CFAP299: variants seen among roughly 807,000 people sequenced by gnomAD.
CFAP299 encodes the protein cilia- and flagella-associated protein 299.
CFAP299 carries 21 observed loss-of-function variants against 27.0 expected under a neutral mutation model. The observed-to-expected ratio is 0.78, with a 90% CI of 0.55 to 1.12. The LOEUF is 1.12. Ranked by LOEUF, CFAP299 falls within the 50% of genes most tolerant of loss-of-function variation. The pLI, the probability that CFAP299 is intolerant of heterozygous loss-of-function variation, is 0.00. For synonymous variants in CFAP299, 104 were observed against 98.1 expected (o/e 1.06, Z -0.36); for missense variants, 310 against 276.6 (o/e 1.12, Z -0.86).
At position 80,832,734 on chromosome 4, in the gene CFAP299, G is replaced by T. The variant is rs145657240; in HGVS notation, c.334-37259G>T. Reference sequence around the variant, plus strand: ...AGCTGAGGTCTCACTTAGGAAATGGGTTTTCTATTACATACATATAAGTTG... The same window carrying T: ...AGCTGAGGTCTCACTTAGGAAATGGTTTTTCTATTACATACATATAAGTTG... On this transcript the variant is annotated intron_variant, in intron 3 of 5. Transcript: ENST00000358105. 2.5e-3 allele frequency among the ~76,000 whole-genome samples: 379 copies of T among 152,118 alleles called. 5 individuals carry two copies. The highest frequency in any genetic ancestry group is 8.4e-3 in the African/African-American group (350 of 41,502).
At position 80,350,254 on chromosome 4, in the gene CFAP299, AG is replaced by A. The variant is rs1218256533; in HGVS notation, c.112-12499del. Among the ~76,000 whole-genome samples, 8 of 152,318 alleles carry A rather than the reference AG, an allele frequency of 5.3e-5. No homozygotes were observed. The East Asian group carries it at 1.3e-3, about 26-fold the overall frequency. The stretch of plus-strand genomic sequence containing the variant: ...TGAAAAGTACAAACCCACAGAGCCA[AG>A]AAGTTCAATGAATTCCAAGCAGAAT... On this transcript the variant is annotated intron_variant, in intron 1 of 5. Transcript: ENST00000358105.
At chr4:80,661,224 GC>G (rs1358640857) in intron 3 of CFAP299, among the ~76,000 whole-genome samples, 4 of 151,604 alleles carry the variant, frequency 2.6e-5, no homozygotes, top group Non-Finnish European at 4.4e-5. Flanking sequence ...TACTCAGGAG[GC>G]TGCAACAAGA....
rs574806294 is a variant in CFAP299 at position 80,749,763 on chromosome 4, G to A, written c.334-120230G>A. Among the ~76,000 whole-genome samples the A allele has an allele frequency of 3.9e-4, 60 of 152,340 alleles. No homozygotes were observed. The East Asian group carries it at 0.011, about 28-fold the overall frequency. On this transcript the variant is annotated intron_variant, in intron 3 of 5. Coordinates refer to ENST00000358105, the MANE Select transcript of CFAP299 (RefSeq NM_152770.3). ...CTACTCTCTCCATCTTCTTCTGCCTGCTTTATTCTAGCGACACTGGCAGCT... is the reference window on the plus strand; with the variant it reads ...CTACTCTCTCCATCTTCTTCTGCCTACTTTATTCTAGCGACACTGGCAGCT...
At chr4:80,769,039 A>G (rs930472207) in intron 3 of CFAP299, among the ~76,000 whole-genome samples, 29 of 152,222 alleles carry the variant, frequency 1.9e-4, no homozygotes, top group Admixed American at 2.6e-4. Flanking sequence ...AAGGGAGGGG[A>G]GCAGAGCAGA....
At chr4:80,355,388 C>G (rs563980688) in intron 1 of CFAP299, among the ~76,000 whole-genome samples, 2 of 117,576 alleles carry the variant, frequency 1.7e-5, no homozygotes, top group Non-Finnish European at 3.3e-5. Context: ...GACAGAGTCT[C>G]GCTCTGTCAC....
At chr4:80,761,459 G>A (rs1160231348) in intron 3 of CFAP299, among the ~76,000 whole-genome samples, 1 of 151,864 alleles carries the variant, frequency 6.6e-6, no homozygotes, top group Non-Finnish European at 1.5e-5. Flanking sequence ...GTTATTAATA[G>A]CATGGTTGAT....
chr4:80,465,653 C>T (rs1729664562), intron 2 of CFAP299, among the ~76,000 whole-genome samples: 1 of 152,146 alleles, frequency 6.6e-6, no homozygotes, highest in African/African-American at 2.4e-5. Context: ...CTATGTACCC[C>T]ATGCCCTGGA....
Position 80,509,119 on chromosome 4 carries a change from G to A in CFAP299, c.243-73974G>A, listed in dbSNP as rs79855775. 2.4e-3 allele frequency among the ~76,000 whole-genome samples: 371 copies of A among 152,210 alleles called. 1 individual carries two copies. Among genetic ancestry groups the A allele is most frequent in the African/African-American group, 8.5e-3 (352 of 41,538 alleles). ...GGGCAGAGAGAAGTTTAAACCACAG[G>A]ATATAGTGTGGTTGAACACAGATGC... On this transcript the variant is annotated intron_variant, in intron 2 of 5. Transcript: ENST00000358105.
At chr4:80,891,757 G>A in intron 4 of CFAP299, among the ~76,000 whole-genome samples, 1 of 37,102 alleles carries the variant, frequency 2.7e-5, no homozygotes, top group Non-Finnish European at 4.4e-5. Context: ...CTAAAACTTA[G>A]AGTATAATAA....
intron 5 of CFAP299, among the ~76,000 whole-genome samples, chr4:80,954,997 CAAAAAAAAAAAAAAAAAAA>C (rs758937079): frequency 7.9e-5 from 4 of 50,316 alleles, no homozygotes; most frequent in African/African-American, 5.3e-4. Flanking sequence ...AAGACTCCAT[CAAAAAAAAAAAAAAAAAAA>C]AAAAAAAAAA....
At chr4:80,934,411 A>C (rs1218993812) in intron 4 of CFAP299, among the ~76,000 whole-genome samples, 1 of 152,032 alleles carries the variant, frequency 6.6e-6, no homozygotes, top group Non-Finnish European at 1.5e-5. Flanking sequence ...TATCAGGATA[A>C]AGTAGGCCCC....
At chr4:80,681,638 A>T (rs1215013204) in intron 3 of CFAP299, among the ~76,000 whole-genome samples, 1 of 152,210 alleles carries the variant, frequency 6.6e-6, no homozygotes, top group Non-Finnish European at 1.5e-5. Flanking sequence ...GTTAAAAGAA[A>T]AAAAGGAGAA....
intron 1 of CFAP299, among the ~76,000 whole-genome samples, chr4:80,338,740 C>T (rs1419812940): frequency 1.3e-5 from 2 of 152,188 alleles, no homozygotes; most frequent in Non-Finnish European, 2.9e-5. Context: ...GACTTGACCT[C>T]AGAAACCTAA....
intron 2 of CFAP299, among the ~76,000 whole-genome samples, chr4:80,380,264 A>T (rs1434806122): frequency 6.6e-6 from 1 of 152,112 alleles, no homozygotes; most frequent in East Asian, 1.9e-4. Context: ...TGAGCCTAAA[A>T]TACATTTACA....
At chr4:80,650,216 A>G (rs1376579240) in intron 3 of CFAP299, among the ~76,000 whole-genome samples, 1 of 152,092 alleles carries the variant, frequency 6.6e-6, no homozygotes, top group Non-Finnish European at 1.5e-5. Flanking sequence ...GTGCATTGAG[A>G]AACACAATTT....
intron 3 of CFAP299, among the ~76,000 whole-genome samples, chr4:80,835,887 G>A (rs961548982): frequency 1.3e-5 from 2 of 152,174 alleles, no homozygotes; most frequent in Admixed American, 6.5e-5. Context: ...ATCCTTTCAT[G>A]TGATTAAGAC....
chr4:80,844,536 G>C (rs562294099), intron 3 of CFAP299, among the ~76,000 whole-genome samples: 1 of 152,240 alleles, frequency 6.6e-6, no homozygotes, highest in South Asian at 2.1e-4. Flanking sequence ...GTGCCTTTTG[G>C]CTGCATAAAT....
intron 3 of CFAP299, among the ~76,000 whole-genome samples, chr4:80,589,399 ATATCTT>A (rs561330783): frequency 4.6e-5 from 7 of 152,194 alleles, no homozygotes; most frequent in East Asian, 1.9e-4. Context: ...ATATGGGAAA[ATATCTT>A]TATACCTTCT....
At chr4:80,757,192 T>C (rs1048657935) in intron 3 of CFAP299, among the ~76,000 whole-genome samples, 3 of 152,108 alleles carry the variant, frequency 2.0e-5, no homozygotes, top group African/African-American at 7.2e-5. Context: ...TTTTAGGCTC[T>C]CTTCATTAAT....
Sources: gnomAD v4.1 joint callset for allele counts (sites outside exome capture counted in the v4.1 genomes callset) on GRCh38, gnomAD v4.1.1 for gene constraint, MANE v1.5 for transcripts, NCBI Gene and HGNC (gene_info 2026-07-23, HGNC 2026-07-21) for gene names.